Variants in DOCK5 observed in about 807,000 individuals in gnomAD.
The protein encoded by DOCK5 is dedicator of cytokinesis 5, also known as dedicator of cytokinesis protein 5.
DOCK5 carries 142 observed loss-of-function variants against 251.8 expected under a neutral mutation model. The observed-to-expected ratio is 0.56, with a 90% CI of 0.49 to 0.65. DOCK5 has a LOEUF of 0.65. DOCK5 is among the 30% of genes least tolerant of loss of function. The pLI, the probability that DOCK5 is intolerant of heterozygous loss-of-function variation, is 0.00. For synonymous variants in DOCK5, 842 were observed against 835.5 expected (o/e 1.01, Z -0.13); for missense variants, 2,111 against 2,312.3 (o/e 0.91, Z 1.79).
intron 37 of DOCK5, chr8:25,376,153 C>T (rs1800960006): frequency 1.0e-5 from 10 of 975,964 alleles, no homozygotes; most frequent in African/African-American, 1.8e-5. Flanking sequence ...GAAAGTGAGG[C>T]TTGTTGACTG....
chr8:25,374,659 A>G lies in DOCK5; in HGVS notation c.3816+5A>G. On this transcript the variant is annotated splice_donor_5th_base_variant and intron_variant, in intron 37 of 51. Transcript: ENST00000276440. ...TTGCACGCTGAGCTTCTGCAGGTGA[A>G]TGGCTCAGAGAGCTTGTTTCAACAG... 1 of 1,613,900 alleles carries G rather than the reference A, an allele frequency of 6.2e-7. No homozygotes were observed. Among genetic ancestry groups the G allele is most frequent in the Non-Finnish European group, 8.5e-7 (1 of 1,179,826 alleles).
chr8:25,350,039 A>G (rs994438245), intron 26 of DOCK5, among the ~76,000 whole-genome samples: 7 of 152,188 alleles, frequency 4.6e-5, no homozygotes, highest in African/African-American at 1.7e-4. Context: ...CAGGATGGGG[A>G]GATGTTGATC....
intron 8 of DOCK5, 111 bp downstream of exon 8, chr8:25,299,212 A>G: frequency 7.9e-7 from 1 of 1,260,832 alleles, no homozygotes. Flanking sequence ...ATAGGGAAGC[A>G]TGGAAGATTT....
At chr8:25,327,950 G>T (rs1008163208) in intron 18 of DOCK5, among the ~76,000 whole-genome samples, 1 of 140,838 alleles carries the variant, frequency 7.1e-6, no homozygotes, top group South Asian at 2.4e-4. Flanking sequence ...CCCTTCTACC[G>T]TGTGTGTGTG....
chr8:25,215,273 A>G (rs113057095), intron 1 of DOCK5, among the ~76,000 whole-genome samples: 54 of 152,258 alleles, frequency 3.5e-4, no homozygotes, highest in African/African-American at 1.3e-3. Flanking sequence ...TGACACTGCC[A>G]TCAACATATT....
At chr8:25,334,586 C>G (rs1805757487) in intron 21 of DOCK5, among the ~76,000 whole-genome samples, 2 of 151,992 alleles carry the variant, frequency 1.3e-5, no homozygotes, top group African/African-American at 4.8e-5. Flanking sequence ...TGACACACAC[C>G]TGTAGTCCTA....
chr8:25,342,360 G>A (rs775591215), intron 24 of DOCK5, 41 bp from the exon 25 acceptor site: 2 of 1,481,124 alleles, frequency 1.4e-6, no homozygotes, highest in East Asian at 4.9e-5. Context: ...CTTCAATTTG[G>A]CAGAACGAAG....
chr8:25,410,702 TCC>T (rs1022530937), intron 51 of DOCK5, among the ~76,000 whole-genome samples: 1 of 134,904 alleles, frequency 7.4e-6, no homozygotes, highest in Non-Finnish European at 1.6e-5. Flanking sequence ...CCTCAAGTGA[TCC>T]CCCCCACCCA....
intron 51 of DOCK5, among the ~76,000 whole-genome samples, chr8:25,410,962 TGTGTGTGTGTGC>T (rs1313171605): frequency 6.5e-5 from 2 of 30,958 alleles, no homozygotes; most frequent in Non-Finnish European, 7.9e-5. Context: ...TGTGTGTGTG[TGTGTGTGTGTGC>T]GCGCGCGCGC....
chr8:25,284,826 C>A (rs967887058), intron 5 of DOCK5, among the ~76,000 whole-genome samples: 6 of 152,234 alleles, frequency 3.9e-5, no homozygotes, highest in African/African-American at 1.4e-4. Context: ...AACTAAAAAT[C>A]TGGTCTTGAA....
chr8:25,291,924 G>T, intron 5 of DOCK5, 100 bp from the exon 6 acceptor site: 1 of 1,118,818 alleles, frequency 8.9e-7, no homozygotes, highest in Non-Finnish European at 1.2e-6. Flanking sequence ...TCATCTGTCT[G>T]ACATTCCCGT....
At chr8:25,331,230 GACACACACACACACACACACAC>G (rs60869427) in intron 18 of DOCK5, among the ~76,000 whole-genome samples, 1 of 140,264 alleles carries the variant, frequency 7.1e-6, no homozygotes, top group Admixed American at 7.2e-5. Flanking sequence ...GTTTCTCTGT[GACACACACACACACACACACAC>G]ACACACACAC....
At chr8:25,311,570 A>G (rs200507741) in intron 13 of DOCK5, among the ~76,000 whole-genome samples, 1 of 150,644 alleles carries the variant, frequency 6.6e-6, no homozygotes, top group Admixed American at 6.6e-5. Context: ...AAAAAGAAAA[A>G]CAACCATACC....
At chr8:25,194,977 G>C (rs1339825227) in intron 1 of DOCK5, among the ~76,000 whole-genome samples, 1 of 151,854 alleles carries the variant, frequency 6.6e-6, no homozygotes, top group African/African-American at 2.4e-5. Flanking sequence ...CTGGAGTGTA[G>C]TGGCGCAATC....
At chr8:25,278,502 G>T in intron 4 of DOCK5, 67 bp from the exon 5 acceptor site, 3 of 1,498,444 alleles carry the variant, frequency 2.0e-6, no homozygotes, top group Admixed American at 1.8e-5. Context: ...TGGGAAGTCT[G>T]ATCCCCATCA....
chr8:25,191,790 C>CT (rs1801588165), intron 1 of DOCK5, among the ~76,000 whole-genome samples: 1 of 151,614 alleles, frequency 6.6e-6, no homozygotes, highest in South Asian at 2.1e-4. Context: ...ATTTATTATA[C>CT]TTTAAGTTCT....
At position 25,389,133 on chromosome 8, in the gene DOCK5, G is replaced by A; in HGVS notation, c.4174G>A (p.Glu1392Lys). 6.2e-7 allele frequency: 1 copy of A among 1,614,020 alleles called. No homozygotes were observed. Among genetic ancestry groups the A allele is most frequent in the South Asian group, 1.1e-5 (1 of 91,090 alleles). ...TCGGGGAAAGGAGTATGAGAGGCGA[G>A]AGGACTTCAGCCTGAGGTTGTTAAC... ...IYRGKEYERR[E>K]DFSLRLLTQF... The change falls in exon 41 of 52, where the codon GAG becomes AAG. Residue 1392 changes from glutamate to lysine, a missense_variant. Glu to Lys is a moderately conservative substitution (Grantham distance 56). Coordinates refer to ENST00000276440, the MANE Select transcript of DOCK5 (RefSeq NM_024940.8).
At chr8:25,291,872 C>CA (rs5890217) in intron 5 of DOCK5, among the ~76,000 whole-genome samples, 152 bp from the exon 6 acceptor site, 101,218 of 114,452 alleles carry the variant, frequency 0.88, 44,845 homozygotes, top group Non-Finnish European at 0.94. Context: ...GACTCCATCA[C>CA]AAAAAAAAAA....
chr8:25,400,853 C>T (rs1801426359), intron 46 of DOCK5, 76 bp from the exon 47 acceptor site: 2 of 1,549,664 alleles, frequency 1.3e-6, no homozygotes, highest in East Asian at 2.3e-5. Context: ...CCACCCCATC[C>T]CTCCCTTCCC....
Sources: allele counts gnomAD v4.1 joint callset (sites outside exome capture counted in the v4.1 genomes callset), GRCh38; gene constraint gnomAD v4.1.1; transcripts MANE v1.5; gene names NCBI Gene and HGNC (gene_info 2026-07-23, HGNC 2026-07-21).